RGS6: variants seen among roughly 807,000 people sequenced by gnomAD.
RGS6 encodes the protein regulator of G-protein signaling 6.
RGS6 carries 30 observed loss-of-function variants against 78.5 expected under a neutral mutation model. The observed-to-expected ratio is 0.38, with a 90% CI of 0.29 to 0.52. RGS6 has a LOEUF of 0.52. Among genes scored for constraint, RGS6 ranks in the 20% least tolerant of loss-of-function variants. The pLI, the probability that RGS6 is intolerant of heterozygous loss-of-function variation, is 0.85. For synonymous variants in RGS6, 206 were observed against 206.0 expected, an observed-to-expected ratio of 1.00 and a Z score of 0.00; for missense variants, 495 against 609.7, an observed-to-expected ratio of 0.81 and a Z score of 1.98.
At chr14:72,360,834 A>G (rs964210806) in intron 3 of RGS6, among the ~76,000 whole-genome samples, 14 of 152,090 alleles carry the variant, frequency 9.2e-5, no homozygotes, top group African/African-American at 1.7e-4. Flanking sequence ...AATCCCCATA[A>G]TCCGCACATG....
At chr14:72,352,788 C>T (rs972223463) in intron 3 of RGS6, among the ~76,000 whole-genome samples, 1 of 152,236 alleles carries the variant, frequency 6.6e-6, no homozygotes, top group Non-Finnish European at 1.5e-5. Flanking sequence ...TTAGAGCCCC[C>T]TTGGGTACCT....
At chr14:72,156,015 C>T (rs541850934) in intron 2 of RGS6, among the ~76,000 whole-genome samples, 3 of 152,344 alleles carry the variant, frequency 2.0e-5, no homozygotes, top group South Asian at 4.1e-4. Context: ...TTGGGTTCCG[C>T]TCTTGGAAAT....
rs577685455 is a variant in RGS6 at position 72,419,718 on chromosome 14, A to G, written c.185-34810A>G. ...GCTCCTGAAATCATCATAACCCAAA[A>G]GAGAAAAGGGCAGGTGCTGAAGAGA... On this transcript the variant is annotated intron_variant, in intron 3 of 17. Coordinates refer to ENST00000553525, the MANE Select transcript of RGS6 (RefSeq NM_001204424.2). Among the ~76,000 whole-genome samples the G allele has an allele frequency of 2.0e-5, 3 of 152,318 alleles. No individual in the cohort carries two copies. In the South Asian group the frequency reaches 6.2e-4, roughly 32 times the overall value.
the RGS6 span, among the ~76,000 whole-genome samples, chr14:71,898,256 G>A: frequency 1.3e-5 from 2 of 150,822 alleles, no homozygotes; most frequent in South Asian, 2.1e-4. Flanking sequence ...ATTTAATGCC[G>A]TTTGACTAAC....
the RGS6 span, among the ~76,000 whole-genome samples, chr14:72,617,827 T>C: frequency 3.3e-5 from 5 of 152,270 alleles, no homozygotes; most frequent in East Asian, 9.7e-4. Context: ...GGGCCTTTGT[T>C]GTGAGCAGCC....
intron 2 of RGS6, among the ~76,000 whole-genome samples, chr14:72,282,068 A>G (rs1433455539): frequency 6.6e-6 from 1 of 152,176 alleles, no homozygotes; most frequent in Non-Finnish European, 1.5e-5. Context: ...GCATTGGATC[A>G]TTCATGGATG....
At chr14:72,174,524 T>C (rs917560761) in intron 2 of RGS6, among the ~76,000 whole-genome samples, 3 of 152,210 alleles carry the variant, frequency 2.0e-5, no homozygotes, top group African/African-American at 7.2e-5. Flanking sequence ...AAAAATTGTT[T>C]TTCTTTGAAT....
chr14:71,943,666 T>C (rs893427803), intron 1 of RGS6, among the ~76,000 whole-genome samples: 4 of 152,152 alleles, frequency 2.6e-5, no homozygotes, highest in African/African-American at 9.7e-5. Context: ...AGGCCATTAA[T>C]CACCAGCAGG....
At chr14:72,282,860 A>G (rs1198988819) in intron 2 of RGS6, among the ~76,000 whole-genome samples, 2 of 152,192 alleles carry the variant, frequency 1.3e-5, no homozygotes, top group Non-Finnish European at 2.9e-5. Context: ...ACTGTGTTGT[A>G]CAACAGATCT....
intron 2 of RGS6, among the ~76,000 whole-genome samples, chr14:72,113,086 G>GCACA (rs57903376): frequency 0.33 from 49,698 of 151,374 alleles, 8,826 homozygotes; most frequent in East Asian, 0.41. Flanking sequence ...ACGCATGCAC[G>GCACA]CATGCATGCA....
chr14:72,407,951 C>T (rs1597038050), intron 3 of RGS6, among the ~76,000 whole-genome samples: 2 of 152,216 alleles, frequency 1.3e-5, no homozygotes, highest in Non-Finnish European at 2.9e-5. Context: ...TATGAAACCT[C>T]CAGGCTTACT....
At chr14:71,867,382 A>G in the RGS6 span, among the ~76,000 whole-genome samples, 9 of 152,160 alleles carry the variant, frequency 5.9e-5, no homozygotes, top group East Asian at 9.6e-4. Context: ...CAGGTCCCAC[A>G]CTAGCACCAA....
intron 2 of RGS6, among the ~76,000 whole-genome samples, chr14:72,254,990 G>T (rs1332000417): frequency 6.6e-6 from 1 of 152,222 alleles, no homozygotes; most frequent in East Asian, 1.9e-4. Context: ...TCAAGAGAAA[G>T]AAACAGGGAT....
At chr14:71,979,550 C>T (rs1021597709) in intron 2 of RGS6, among the ~76,000 whole-genome samples, 2 of 152,076 alleles carry the variant, frequency 1.3e-5, no homozygotes, top group South Asian at 2.1e-4. Context: ...GCAGGTTGTT[C>T]AGTTTCCATG....
intron 3 of RGS6, among the ~76,000 whole-genome samples, chr14:72,380,059 C>T (rs1261228020): frequency 1.0e-5 from 1 of 99,630 alleles, no homozygotes; most frequent in African/African-American, 5.9e-5. Flanking sequence ...AGAACACTCA[C>T]TGAGGCAAAA....
chr14:72,560,293 A>C (rs1462122271), intron 17 of RGS6, among the ~76,000 whole-genome samples: 1 of 152,282 alleles, frequency 6.6e-6, no homozygotes, highest in African/African-American at 2.4e-5. Context: ...CTAAAAGGAG[A>C]GCAAACTTCC....
At chr14:72,468,741 C>A (rs1024240231) in intron 7 of RGS6, among the ~76,000 whole-genome samples, 50 of 152,120 alleles carry the variant, frequency 3.3e-4, no homozygotes, top group Middle Eastern at 3.2e-3. Context: ...TGTTTAATGG[C>A]TGCCTAGAAT....
intron 2 of RGS6, among the ~76,000 whole-genome samples, chr14:72,202,220 C>T (rs898748549): frequency 6.6e-6 from 1 of 152,186 alleles, no homozygotes; most frequent in African/African-American, 2.4e-5. Context: ...AAGTCATCTT[C>T]ACCAACGGAA....
intron 2 of RGS6, among the ~76,000 whole-genome samples, chr14:72,237,308 C>A (rs1225024725): frequency 6.6e-6 from 1 of 152,126 alleles, no homozygotes; most frequent in Non-Finnish European, 1.5e-5. Flanking sequence ...AATTGCTGTG[C>A]ATGTTCTTAT....
Sources: gnomAD v4.1 joint callset for allele counts (sites outside exome capture counted in the v4.1 genomes callset) on GRCh38, gnomAD v4.1.1 for gene constraint, MANE v1.5 for transcripts, NCBI Gene and HGNC (gene_info 2026-07-23, HGNC 2026-07-21) for gene names.